The following SPANXN4 variants were observed in gnomAD, a reference collection of about 807,000 sequenced individuals.
SPANXN4 encodes the protein SPANX family member N4.
SPANXN4 carries 5 observed loss-of-function variants against 6.0 expected under a neutral mutation model. That is an observed-to-expected ratio of 0.83 (90% CI 0.44 to 1.75). SPANXN4 has a LOEUF of 1.75. SPANXN4 is among the 40% of genes most tolerant of loss of function. The pLI is 0.02. For missense variants in SPANXN4, 157 were observed against 108.6 expected (o/e 1.45, Z -1.98); for synonymous variants, 45 against 38.0 (o/e 1.19, Z -0.68).
downstream of SPANXN4, among the ~76,000 whole-genome samples, chrX:143,037,304 C>A (rs1340421211): frequency 9.0e-6 from 1 of 111,590 alleles, no homozygotes; most frequent in Non-Finnish European, 1.9e-5. Flanking sequence ...TTCACAATAC[C>A]TCATATCATT....
chrX:143,035,067 C>A (rs1035796837), downstream of SPANXN4, among the ~76,000 whole-genome samples: 6 of 80,661 alleles, frequency 7.4e-5, no homozygotes, highest in East Asian at 2.3e-3. Context: ...CAGAGTGAGA[C>A]TCTGTCTCAA....
intron 1 of SPANXN4, among the ~76,000 whole-genome samples, 196 bp downstream of exon 1, chrX:143,026,288 C>T (rs1332807686): frequency 9.0e-6 from 1 of 111,629 alleles, no homozygotes; most frequent in Non-Finnish European, 1.9e-5. Context: ...GTATGGCTGG[C>T]TGCTCGGCGG....
At chrX:143,034,822 G>A (rs758739897), downstream of SPANXN4, 175 of 919,841 alleles carry the variant, frequency 1.9e-4, no homozygotes, top group Admixed American at 9.1e-4. Flanking sequence ...ACTCTAGGTG[G>A]AGCAGTCACC....
downstream of SPANXN4, among the ~76,000 whole-genome samples, chrX:143,037,178 T>A (rs1013365607): frequency 9.0e-6 from 1 of 110,864 alleles, no homozygotes; most frequent in African/African-American, 3.3e-5. Context: ...GCGATTATCA[T>A]TTTTCCCTTC....
intron 1 of SPANXN4, among the ~76,000 whole-genome samples, chrX:143,031,350 C>T (rs766138878): frequency 2.7e-5 from 3 of 110,740 alleles, no homozygotes; most frequent in East Asian, 2.9e-4. Flanking sequence ...AGGAAAGACA[C>T]GGGCTTACTA....
At chrX:143,030,296 C>T (rs746738551) in intron 1 of SPANXN4, among the ~76,000 whole-genome samples, 7 of 111,117 alleles carry the variant, frequency 6.3e-5, no homozygotes, top group South Asian at 3.8e-4. Flanking sequence ...GTAGGAGAAA[C>T]GCAAGGTAAG....
At chrX:143,034,830 A>C, downstream of SPANXN4, 4 of 900,117 alleles carry the variant, frequency 4.4e-6, no homozygotes, top group South Asian at 1.9e-4. Flanking sequence ...TGGAGCAGTC[A>C]CCTACCAAGT....
At chrX:143,026,145 A>T in intron 1 of SPANXN4, 53 bp downstream of exon 1, 1 of 1,084,459 alleles carries the variant, frequency 9.2e-7, no homozygotes, top group East Asian at 3.1e-5. Context: ...AGACACACAG[A>T]TAGGGCGCGG....
intron 1 of SPANXN4, among the ~76,000 whole-genome samples, chrX:143,026,938 T>G (rs7060983): frequency 0.21 from 23,459 of 110,916 alleles, 2,066 homozygotes; most frequent in South Asian, 0.32. Flanking sequence ...GCCTGCTTAG[T>G]GTGTGTGGAG....
In SPANXN4 at chrX:143,033,927, A is replaced by C. The variant is rs182827183; in HGVS notation, c.79-101A>C. ...CTTCTCTGGCACAAGCCCCTTCCTC[A>C]ACCTGCATTCCTTCTTATAAAGCCC... On this transcript the variant is annotated intron_variant, in intron 1 of 2. Transcript: ENST00000370504. 1,990 of 795,158 alleles carry C rather than the reference A, an allele frequency of 2.5e-3. 6 individuals are homozygous for C. Among genetic ancestry groups the C allele is most frequent in the Non-Finnish European group, 2.4e-3 (1,344 of 564,142 alleles). 65.5% of individuals were successfully genotyped at this position (795,158 alleles called of 1,213,427 possible).
At chrX:143,031,408 G>A (rs1260406465) in intron 1 of SPANXN4, among the ~76,000 whole-genome samples, 1 of 111,419 alleles carries the variant, frequency 9.0e-6, no homozygotes, top group Admixed American at 9.5e-5. Context: ...TGGTGGTAGG[G>A]GGGTGGGGGC....
At chrX:143,027,735 CGGGAG>C (rs1390406769) in intron 1 of SPANXN4, among the ~76,000 whole-genome samples, 1 of 108,351 alleles carries the variant, frequency 9.2e-6, no homozygotes, top group Non-Finnish European at 1.9e-5. Context: ...GGAAGAAAGA[CGGGAG>C]GGAGTGTGAC....
At chrX:143,028,785 G>T (rs1388001883) in intron 1 of SPANXN4, among the ~76,000 whole-genome samples, 1 of 111,195 alleles carries the variant, frequency 9.0e-6, no homozygotes, top group African/African-American at 3.3e-5. Context: ...GGCCTGGTGT[G>T]TGGGAAAGGA....
chrX:143,029,055 C>T (rs1036435248), intron 1 of SPANXN4, among the ~76,000 whole-genome samples: 5 of 110,706 alleles, frequency 4.5e-5, no homozygotes, highest in African/African-American at 1.3e-4. Context: ...GTTTGTTCCG[C>T]GTGGGTATAT....
At chrX:143,027,320 T>C (rs1037883254) in intron 1 of SPANXN4, among the ~76,000 whole-genome samples, 13 of 111,774 alleles carry the variant, frequency 1.2e-4, no homozygotes, top group African/African-American at 3.6e-4. Flanking sequence ...TTGTAACTAA[T>C]AGTCATTGCG....
chrX:143,026,886 G>T (rs1932782123), intron 1 of SPANXN4, among the ~76,000 whole-genome samples: 1 of 112,240 alleles, frequency 8.9e-6, no homozygotes, highest in African/African-American at 3.2e-5. Flanking sequence ...GCTGAGTGCA[G>T]CAGAGATGTT....
chrX:143,029,587 G>A (rs980551509), intron 1 of SPANXN4, among the ~76,000 whole-genome samples: 1 of 111,287 alleles, frequency 9.0e-6, no homozygotes, highest in African/African-American at 3.3e-5. Flanking sequence ...AGGAGAGGAA[G>A]TTTAAGAGGT....
chrX:143,029,244 C>T, intron 1 of SPANXN4, among the ~76,000 whole-genome samples: 1 of 111,650 alleles, frequency 9.0e-6, no homozygotes, highest in Admixed American at 9.5e-5. Flanking sequence ...AGCTTGTGTG[C>T]AAGTTTCCTA....
At chrX:143,036,435 T>A (rs766239815), downstream of SPANXN4, among the ~76,000 whole-genome samples, 2 of 111,675 alleles carry the variant, frequency 1.8e-5, no homozygotes, top group Non-Finnish European at 3.8e-5. Flanking sequence ...CTGTTCTAGA[T>A]AGAACTTCCA....
Sources: allele counts gnomAD v4.1 joint callset (sites outside exome capture counted in the v4.1 genomes callset), GRCh38; gene constraint gnomAD v4.1.1; transcripts MANE v1.5; gene names NCBI Gene and HGNC (gene_info 2026-07-23, HGNC 2026-07-21).